The following AGPS variants were observed in gnomAD, a reference collection of about 807,000 sequenced individuals.
AGPS encodes alkylglycerone phosphate synthase, also known as alkyldihydroxyacetonephosphate synthase, peroxisomal.
Under a neutral mutation model 90.7 loss-of-function variants are expected in AGPS, and 26 were observed. That is an observed-to-expected ratio of 0.29 (90% confidence interval 0.21 to 0.40). The LOEUF is 0.40. AGPS is among the 10% of genes least tolerant of loss of function. The pLI, the probability that AGPS is intolerant of heterozygous loss-of-function variation, is 1.00. For synonymous variants in AGPS, 294 were observed against 285.3 expected, an observed-to-expected ratio of 1.03 and a Z score of -0.31; for missense variants, 540 against 816.1, an observed-to-expected ratio of 0.66 and a Z score of 4.12.
chr2:177,518,203 G>A (rs566895038), intron 17 of AGPS, among the ~76,000 whole-genome samples: 2 of 152,258 alleles, frequency 1.3e-5, no homozygotes, highest in South Asian at 4.1e-4. Context: ...GGAGGCTGAG[G>A]TGGGTGGATC....
At chr2:177,452,380 G>A (rs769993256) in intron 8 of AGPS, among the ~76,000 whole-genome samples, 2 of 152,144 alleles carry the variant, frequency 1.3e-5, no homozygotes, top group Non-Finnish European at 2.9e-5. Context: ...AAATGTTCAG[G>A]ATTGTTATGG....
chr2:177,415,285 T>C (rs11893448), intron 1 of AGPS, among the ~76,000 whole-genome samples: 104,692 of 152,046 alleles, frequency 0.69, 36,688 homozygotes, highest in Admixed American at 0.77. Context: ...GAATTGTATA[T>C]GAATTTCCTA....
chr2:177,440,827 C>T, intron 5 of AGPS, 138 bp from the exon 6 acceptor site: 1 of 671,862 alleles, frequency 1.5e-6, no homozygotes, highest in Non-Finnish European at 2.6e-6. Context: ...TGTTTTAGTA[C>T]TCAATTAACT....
intron 9 of AGPS, among the ~76,000 whole-genome samples, chr2:177,466,532 A>T (rs372311938): frequency 2.0e-5 from 3 of 152,210 alleles, no homozygotes; most frequent in African/African-American, 7.2e-5. Context: ...TGGTGCCCAG[A>T]TGCCCAGGCT....
At chr2:177,436,115 C>T (rs915421685) in intron 3 of AGPS, among the ~76,000 whole-genome samples, 3 of 137,798 alleles carry the variant, frequency 2.2e-5, no homozygotes, top group African/African-American at 8.0e-5. Flanking sequence ...TTTAAAATGG[C>T]AATTGAAGAA....
Position 177,429,083 on chromosome 2 carries a change from C to T in AGPS, c.351-5244C>T, listed in dbSNP as rs562337800. 3.3e-5 allele frequency among the ~76,000 whole-genome samples: 5 copies of T among 152,130 alleles called. No homozygotes were observed. In the East Asian group the frequency reaches 9.6e-4, roughly 29 times the overall value. ...AGTCTTCAAGCTTTGAGATTCTTTCCTCCACTTGGTCTATTCTGCTATTGA... is the reference window on the plus strand; with the variant it reads ...AGTCTTCAAGCTTTGAGATTCTTTCTTCCACTTGGTCTATTCTGCTATTGA... On this transcript the variant is annotated intron_variant, in intron 2 of 19. Transcript: ENST00000264167.
At chr2:177,480,085 A>G (rs1298707485) in intron 10 of AGPS, among the ~76,000 whole-genome samples, 1 of 152,188 alleles carries the variant, frequency 6.6e-6, no homozygotes, top group East Asian at 1.9e-4. Flanking sequence ...AGGCTGAGGC[A>G]GGAGAATTTA....
At chr2:177,515,302 C>T (rs1346552847) in intron 17 of AGPS, among the ~76,000 whole-genome samples, 1 of 152,068 alleles carries the variant, frequency 6.6e-6, no homozygotes, top group African/African-American at 2.4e-5. Context: ...GCAGTCAGCT[C>T]TCTTTTATTG....
At chr2:177,529,143 C>T (rs1422939224) in intron 19 of AGPS, among the ~76,000 whole-genome samples, 2 of 152,044 alleles carry the variant, frequency 1.3e-5, no homozygotes, top group African/African-American at 2.4e-5. Context: ...AGGCATGAGC[C>T]ACCACTCCCG....
At chr2:177,407,662 C>T (rs7597306) in intron 1 of AGPS, among the ~76,000 whole-genome samples, 2,420 of 152,042 alleles carry the variant, frequency 0.016, 61 homozygotes, top group African/African-American at 0.054. Flanking sequence ...GCCCCGGGGA[C>T]TGCAATTTAA....
intron 1 of AGPS, among the ~76,000 whole-genome samples, chr2:177,410,814 T>C (rs1046533852): frequency 6.6e-6 from 1 of 152,156 alleles, no homozygotes; most frequent in South Asian, 2.1e-4. Flanking sequence ...CCAGGCACCC[T>C]CAGTCCTGCT....
intron 8 of AGPS, among the ~76,000 whole-genome samples, chr2:177,446,665 T>A (rs1686785968): frequency 6.6e-6 from 1 of 152,156 alleles, no homozygotes; most frequent in African/African-American, 2.4e-5. Flanking sequence ...CTGGCTGCTG[T>A]GTGGTGAAAT....
In AGPS at chr2:177,442,463, A is replaced by C; in HGVS notation, c.766A>C (p.Ile256Leu). The C allele has an allele frequency of 6.2e-7, 1 of 1,613,070 alleles. No individual in the cohort carries two copies. The highest frequency in any genetic ancestry group is 1.3e-5 in the African/African-American group (1 of 75,012). The stretch of plus-strand genomic sequence containing the variant: ...TCCTGCAGATGAGACAAGAACAATT[A>C]TTTCTTTGGACACTTCACAAATGGT... ...MCPADETRTI[I>L]SLDTSQMNRI... Residue 256 changes from isoleucine to leucine, a missense_variant, in exon 7 of 20, where the codon ATT (isoleucine) becomes CTT (leucine). Coordinates refer to ENST00000264167, the MANE Select transcript of AGPS (RefSeq NM_003659.4).
rs397986794 is a variant in AGPS at position 177,414,897 on chromosome 2, C to CGTGTGTGTGTGTGTGTGTGT, written c.261-5367_261-5348dup. 1.8e-3 allele frequency among the ~76,000 whole-genome samples: 269 copies of CGTGTGTGTGTGTGTGTGTGT among 146,308 alleles called. 3 individuals carry two copies. The highest frequency in any genetic ancestry group is 4.1e-3 in the African/African-American group (163 of 39,608). On this transcript the variant is annotated intron_variant, in intron 1 of 19. Coordinates refer to ENST00000264167, the MANE Select transcript of AGPS (RefSeq NM_003659.4). ...TATCCCATGGGTGCCTATGAAGGTT[C>CGTGTGTGTGTGTGTGTGTGT]GTGTGTGTGTGTGTGTGTGTGTGTA...
At position 177,538,260 on chromosome 2, in the gene AGPS, A is replaced by G. The variant is rs2079201567; in HGVS notation, c.*65A>G. ...TTAAGTTTTCAACTGTGGTTATACT[A>G]GTAATCAAATATATCATGGACTATA... On this transcript the variant is annotated 3_prime_UTR_variant, in exon 20 of 20. Coordinates refer to ENST00000264167, the MANE Select transcript of AGPS (RefSeq NM_003659.4). The G allele has an allele frequency of 6.7e-7, 1 of 1,494,384 alleles. No individual in the cohort carries two copies. Among genetic ancestry groups the G allele is most frequent in the South Asian group, 1.1e-5 (1 of 87,918 alleles). The allele number at this position is 1,494,384 out of a possible 1,614,324, so 92.6% of individuals were successfully genotyped here. A position where few individuals can be genotyped will look rare whatever the true frequency, so the allele number is the denominator to read the frequency against.
intron 9 of AGPS, 86 bp downstream of exon 9, chr2:177,462,104 G>GT (rs1023200977): frequency 4.7e-6 from 6 of 1,288,964 alleles, no homozygotes; most frequent in Non-Finnish European, 6.3e-6. Flanking sequence ...AAAATTAAGA[G>GT]TTGGGCCTGG....
intron 19 of AGPS, among the ~76,000 whole-genome samples, chr2:177,532,171 TA>T (rs1246394311): frequency 6.6e-6 from 1 of 152,086 alleles, no homozygotes; most frequent in Non-Finnish European, 1.5e-5. Context: ...TCTGTTAGGA[TA>T]AAAAGATAGG....
chr2:177,542,114 T>C lies in AGPS; in HGVS notation c.*3919T>C, dbSNP rs2079242266. The C allele has an allele frequency of 6.6e-6, 1 of 151,772 alleles. No individual in the cohort carries two copies. Among genetic ancestry groups the C allele is most frequent in the Non-Finnish European group, 1.5e-5 (1 of 67,802 alleles). The allele number at this position is 151,772 out of a possible 1,614,324, so 9.4% of individuals were successfully genotyped here. A position where few individuals can be genotyped will look rare whatever the true frequency, so the allele number is the denominator to read the frequency against. ...ATATGAGTTTTTCTTTTAGTTTTAG[T>C]TTTTCATGTTCATATTTCCACTGAT... is the stretch of plus-strand genomic sequence containing the variant. On this transcript the variant is annotated 3_prime_UTR_variant, in exon 20 of 20. Coordinates refer to ENST00000264167, the MANE Select transcript of AGPS (RefSeq NM_003659.4).
chr2:177,495,089 A>T (rs1278615513), intron 12 of AGPS, among the ~76,000 whole-genome samples: 1 of 152,150 alleles, frequency 6.6e-6, no homozygotes, highest in African/African-American at 2.4e-5. Flanking sequence ...GACATTATCT[A>T]ATTTTAGTAT....
Sources: allele counts gnomAD v4.1 joint callset (sites outside exome capture counted in the v4.1 genomes callset), GRCh38; gene constraint gnomAD v4.1.1; transcripts MANE v1.5; gene names NCBI Gene and HGNC (gene_info 2026-07-23, HGNC 2026-07-21).